GSDMB: variants seen among roughly 807,000 people sequenced by gnomAD.
The protein encoded by GSDMB is gasdermin-B.
A neutral mutation model predicts 42.9 loss-of-function variants in GSDMB; 32 were observed. The observed-to-expected ratio is 0.75, with a 90% CI of 0.56 to 1.00. GSDMB has a LOEUF of 1.00. Ranked by LOEUF, GSDMB falls within the 50% of genes least tolerant of loss-of-function variation. The probability of loss-of-function intolerance (pLI) is 0.00; values close to 1 mark genes in which losing one functional copy is unlikely to be tolerated. For synonymous variants in GSDMB, 175 were observed against 193.7 expected, an observed-to-expected ratio of 0.90 and a Z score of 0.80; for missense variants, 468 against 498.5, an observed-to-expected ratio of 0.94 and a Z score of 0.58.
At chr17:39,907,175 T>G (rs1437048769) in intron 6 of GSDMB, 188 bp from the exon 7 acceptor site, 1 of 1,422,114 alleles carries the variant, frequency 7.0e-7, no homozygotes, top group Non-Finnish European at 9.2e-7. Context: ...TCCCACATCC[T>G]CAAAAACAGG....
At chr17:39,908,126 G>A (rs775749087) in intron 6 of GSDMB, 50 bp downstream of exon 6, 1 of 1,038,276 alleles carries the variant, frequency 9.6e-7, no homozygotes, top group South Asian at 1.3e-5. Context: ...TAAAAATAGT[G>A]TCTTTGCCCA....
In GSDMB at chr17:39,912,388, A is replaced by T. The variant is rs2063627822; in HGVS notation, c.345T>A (p.His115Gln). The T allele has an allele frequency of 6.2e-7, 1 of 1,613,830 alleles. No individual in the cohort carries two copies. The highest frequency in any genetic ancestry group is 8.5e-7 in the Non-Finnish European group (1 of 1,179,836). ...TISGSFQGFH[H>Q]QKIKISENRI... ...GGTTCTCCGATATCTTGATTTTCTG[A>T]TGGTGGAAGCCCTGGAAACTGCCTG... The change falls in exon 3 of 11, where the codon CAT becomes CAA. Residue 115 changes from histidine (H) to glutamine (Q), a missense_variant. Coordinates refer to ENST00000418519, the MANE Select transcript of GSDMB (RefSeq NM_001165958.2).
intron 3 of GSDMB, among the ~76,000 whole-genome samples, chr17:39,911,630 A>T (rs1358151063): frequency 3.9e-5 from 6 of 152,112 alleles, no homozygotes; most frequent in African/African-American, 9.7e-5. Context: ...CTCGTGCTTC[A>T]CTTCAGCTCT....
intron 3 of GSDMB, 26 bp from the exon 4 acceptor site, chr17:39,909,950 G>A (rs772988527): frequency 6.3e-7 from 1 of 1,588,170 alleles, no homozygotes; most frequent in Admixed American, 1.7e-5. Flanking sequence ...AGAGATGAGA[G>A]TTAAGGATCT....
At position 39,904,962 on chromosome 17, in the gene GSDMB, C is replaced by T. The variant is rs1034224717; in HGVS notation, c.1101G>A (p.Val367=). 3.7e-5 allele frequency: 60 copies of T among 1,613,178 alleles called. No individual in the cohort carries two copies. The highest frequency in any genetic ancestry group is 5.1e-5 in the Non-Finnish European group (60 of 1,179,574). The change falls in exon 11 of 11, where the codon GTG becomes GTA. Residue 367 remains valine (V), a splice_region_variant and synonymous_variant. Coordinates refer to ENST00000418519, the MANE Select transcript of GSDMB (RefSeq NM_001165958.2). ...CCCAGTTCTGCTCCATGACAGATTT[C>T]ACCTGGAAGGAAACCCCCCAGATTG... The part of the protein sequence containing the change: ...KGTLPLLKDQ[V]KSVMEQNWDE...
Position 39,908,219 on chromosome 17 carries a change from A to C in GSDMB, c.662-5T>G. On this transcript the variant is annotated splice_polypyrimidine_tract_variant and splice_region_variant and intron_variant, in intron 5 of 10. Coordinates refer to ENST00000418519, the MANE Select transcript of GSDMB (RefSeq NM_001165958.2). ...TTTTGCCCCTGAAATGAATATCTAAACCAGCACCAAAAAGGGAGGAAAAAA... is the reference window on the plus strand; with the variant it reads ...TTTTGCCCCTGAAATGAATATCTAACCCAGCACCAAAAAGGGAGGAAAAAA... 6.7e-7 allele frequency: 1 copy of C among 1,498,350 alleles called. No homozygotes were observed. Among genetic ancestry groups the C allele is most frequent in the South Asian group, 1.2e-5 (1 of 83,144 alleles). 92.8% of individuals were successfully genotyped at this position (1,498,350 alleles called of 1,614,324 possible).
At chr17:39,918,325 CT>C in intron 1 of GSDMB, 1 of 152,350 alleles carries the variant, frequency 6.6e-6, no homozygotes. Flanking sequence ...GAAACAAAAG[CT>C]TCCTGGGATC....
At chr17:39,911,405 C>T (rs147614745) in intron 3 of GSDMB, among the ~76,000 whole-genome samples, 2 of 152,060 alleles carry the variant, frequency 1.3e-5, no homozygotes, top group Non-Finnish European at 1.5e-5. Flanking sequence ...TGTGGGTCAC[C>T]TTCCCCTGAG....
rs1177874890 is a variant in GSDMB, at chr17:39,917,035, C to A, written c.235+47G>T. 5.7e-6 allele frequency: 7 copies of A among 1,227,622 alleles called. No individual in the cohort carries two copies. The African/African-American group carries it at 1.0e-4, about 18-fold the overall frequency. 76.0% of individuals were successfully genotyped at this position (1,227,622 alleles called of 1,614,324 possible). A position where few individuals can be genotyped will look rare whatever the true frequency, so the allele number is the denominator to read the frequency against. On this transcript the variant is annotated intron_variant, in intron 2 of 10. Coordinates refer to ENST00000418519, the MANE Select transcript of GSDMB (RefSeq NM_001165958.2). Reference sequence around the variant, plus strand: ...AATTGAGAAGGAGATGGAGTACAAACGGTCAAGGCCTCCTGGCTGGCCACC... The same window carrying A: ...AATTGAGAAGGAGATGGAGTACAAAAGGTCAAGGCCTCCTGGCTGGCCACC...
chr17:39,915,602 AT>A lies in GSDMB; in HGVS notation c.235+1479del, dbSNP rs10610202. On this transcript the variant is annotated intron_variant, in intron 2 of 10. Transcript: ENST00000418519. ...AGTGAATTGATCATTTGGCAAACTG[AT>A]TTTTTTTTTTTTTTTTGAGAGCTGA... Among the ~76,000 whole-genome samples, 522 of 145,092 alleles carry A rather than the reference AT, an allele frequency of 3.6e-3. 5 individuals carry two copies. Among genetic ancestry groups the A allele is most frequent in the African/African-American group, 8.0e-3 (317 of 39,698 alleles).
In GSDMB at chr17:39,909,810, C is replaced by T. The variant is rs1304759613; in HGVS notation, c.522G>A (p.Arg174=). 9 of 1,614,126 alleles carry T rather than the reference C, an allele frequency of 5.6e-6. No individual in the cohort carries two copies. The highest frequency in any genetic ancestry group is 7.6e-6 in the Non-Finnish European group (9 of 1,179,998). Residue 174 remains arginine (R), a synonymous_variant, in exon 4 of 11, where the codon CGG becomes CGA. Coordinates refer to ENST00000418519, the MANE Select transcript of GSDMB (RefSeq NM_001165958.2). ...AGATCTGGCTCCAAAATTTATATTG[C>T]CGGTCGCTTTTCAGGGTTTCCTCCT... ...TVKEETLKSD[R]QYKFWSQISQ...
rs2063623280 is a variant in GSDMB, at chr17:39,912,208, G to A, written c.407+118C>T. 4.2e-6 allele frequency: 3 copies of A among 710,472 alleles called. No homozygotes were observed. The East Asian group carries it at 8.4e-5, about 20-fold the overall frequency. 44.0% of individuals were successfully genotyped at this position (710,472 alleles called of 1,614,324 possible). A position where few individuals can be genotyped will look rare whatever the true frequency, so the allele number is the denominator to read the frequency against. On this transcript the variant is annotated intron_variant, in intron 3 of 10. Coordinates refer to ENST00000418519, the MANE Select transcript of GSDMB (RefSeq NM_001165958.2). ...CCCCCACAAAGCTCATGAAAAGCAG[G>A]GAAAAGAAAAATAAAAATAAATAAA...
At chr17:39,912,292 C>G (rs2063625111) in intron 3 of GSDMB, 34 bp downstream of exon 3, 194 of 1,503,708 alleles carry the variant, frequency 1.3e-4, no homozygotes, top group Non-Finnish European at 1.6e-4. Context: ...TGGGCTTCTT[C>G]CCCTCCTTCC....
chr17:39,915,612 T>A (rs2063696136), intron 2 of GSDMB, among the ~76,000 whole-genome samples: 1 of 152,154 alleles, frequency 6.6e-6, no homozygotes, highest in South Asian at 2.1e-4. Flanking sequence ...ATTTTTTTTT[T>A]TTTTTTTGAG....
At position 39,909,850 on chromosome 17, in the gene GSDMB, G is replaced by T; in HGVS notation, c.482C>A (p.Thr161Asn). The T allele has an allele frequency of 6.2e-7, 1 of 1,613,770 alleles. No homozygotes were observed. The highest frequency in any genetic ancestry group is 8.5e-7 in the Non-Finnish European group (1 of 1,179,654). Reference sequence around the variant, plus strand: ...GGTTTCCTCCTTTACCGTCTCCAGAGTTTCTGTCACCAGATACAGGTTTTC... The same window carrying T: ...GGTTTCCTCCTTTACCGTCTCCAGATTTTCTGTCACCAGATACAGGTTTTC... ...TRENLYLVTE[T>N]LETVKEETLK... Residue 161 changes from threonine to asparagine, a missense_variant, in exon 4 of 11, where the codon ACT becomes AAT. Coordinates refer to ENST00000418519, the MANE Select transcript of GSDMB (RefSeq NM_001165958.2).
chr17:39,904,823 CAGAGGT>C lies in GSDMB; in HGVS notation c.1234_1239del (p.Thr412_Ser413del). 6.2e-7 allele frequency: 1 copy of C among 1,613,934 alleles called. No homozygotes were observed. The highest frequency in any genetic ancestry group is 1.7e-5 in the Admixed American group (1 of 59,992). On this transcript the variant is annotated inframe_deletion, in exon 11 of 11. Coordinates refer to ENST00000418519, the MANE Select transcript of GSDMB (RefSeq NM_001165958.2). ...AAGGGCTTTTGTAGTTAGGAAGAGA[CAGAGGT>C]AGGCCCCTCAGCCAGCTCCAGCAGG... is the stretch of plus-strand genomic sequence containing the variant.
Position 39,904,809 on chromosome 17 carries a change from T to C in GSDMB, c.*3A>G. On this transcript the variant is annotated 3_prime_UTR_variant, in exon 11 of 11. Transcript: ENST00000418519. ...GGCTTGTGGGGAGAAAGGGCTTTTG[T>C]AGTTAGGAAGAGACAGAGGTAGGCC... The C allele has an allele frequency of 1.2e-6, 2 of 1,613,396 alleles. No homozygotes were observed. Among genetic ancestry groups the C allele is most frequent in the African/African-American group, 1.3e-5 (1 of 74,968 alleles).
At chr17:39,907,511 T>TA in intron 6 of GSDMB, 1 of 152,328 alleles carries the variant, frequency 6.6e-6, no homozygotes, top group Non-Finnish European at 1.5e-5. Context: ...GAGAGCAGCC[T>TA]GCCAACATAT....
At chr17:39,915,644 C>T (rs2063697161) in intron 2 of GSDMB, among the ~76,000 whole-genome samples, 1 of 148,272 alleles carries the variant, frequency 6.7e-6, no homozygotes, top group African/African-American at 2.5e-5. Flanking sequence ...AGCAAATTGG[C>T]TCTTAGCAAT....
Sources: gnomAD v4.1 joint callset for allele counts (sites outside exome capture counted in the v4.1 genomes callset) on GRCh38, gnomAD v4.1.1 for gene constraint, MANE v1.5 for transcripts, NCBI Gene and HGNC (gene_info 2026-07-23, HGNC 2026-07-21) for gene names.